Variants in CHCHD3 observed in about 807,000 individuals in gnomAD.
CHCHD3 encodes the protein MICOS complex subunit MIC19.
Under a neutral mutation model 38.2 loss-of-function variants are expected in CHCHD3, and 20 were observed. That is an observed-to-expected ratio of 0.52 (90% CI 0.37 to 0.76). CHCHD3 has a LOEUF of 0.76. Among genes scored for constraint, CHCHD3 ranks in the 30% least tolerant of loss-of-function variants. The pLI is 0.00. For synonymous variants in CHCHD3, 82 were observed against 100.0 expected, an observed-to-expected ratio of 0.82 and a Z score of 1.07; for missense variants, 245 against 279.2, an observed-to-expected ratio of 0.88 and a Z score of 0.87.
chr7:132,925,023 A>C (rs929446644), intron 4 of CHCHD3, among the ~76,000 whole-genome samples: 53 of 152,222 alleles, frequency 3.5e-4, no homozygotes, highest in African/African-American at 1.3e-3. Flanking sequence ...TGCTCAAATG[A>C]AAAATCATTT....
rs201363988 is a variant in CHCHD3 at position 132,860,312 on chromosome 7, G to A, written c.454-21843C>T. Among the ~76,000 whole-genome samples, 36 of 93,792 alleles carry A rather than the reference G, an allele frequency of 3.8e-4. No homozygotes were observed. The East Asian group carries it at 4.1e-3, about 11-fold the overall frequency. 61.5% of individuals were successfully genotyped at this position (93,792 alleles called of 152,430 possible). A position where few individuals can be genotyped will look rare whatever the true frequency, so the allele number is the denominator to read the frequency against. On this transcript the variant is annotated intron_variant, in intron 5 of 7. Transcript: ENST00000262570. Reference sequence around the variant, plus strand: ...TTATAGATAGATAGATAGAGAGAGAGAGAAAGAGAGAGAGAGAGAGAGAAC... The same window carrying A: ...TTATAGATAGATAGATAGAGAGAGAAAGAAAGAGAGAGAGAGAGAGAGAAC...
intron 4 of CHCHD3, among the ~76,000 whole-genome samples, 170 bp from the exon 5 acceptor site, chr7:132,885,915 AAAG>A (rs991967783): frequency 6.6e-5 from 10 of 152,306 alleles, no homozygotes; most frequent in East Asian, 1.9e-4. Context: ...ATTTAAATGT[AAAG>A]AAGAAGTCCG....
chr7:132,965,469 T>C (rs1383826574), intron 4 of CHCHD3, among the ~76,000 whole-genome samples: 1 of 148,734 alleles, frequency 6.7e-6, no homozygotes, highest in African/African-American at 2.5e-5. Context: ...AAAAAAAAAC[T>C]AAATCTAAAA....
At chr7:132,882,330 C>T (rs1471447701) in intron 5 of CHCHD3, among the ~76,000 whole-genome samples, 3 of 152,030 alleles carry the variant, frequency 2.0e-5, no homozygotes, top group South Asian at 2.1e-4. Flanking sequence ...GTGGAGTTAT[C>T]GAGTATTAAG....
chr7:132,915,912 C>T (rs1810092484), intron 4 of CHCHD3, among the ~76,000 whole-genome samples: 1 of 150,640 alleles, frequency 6.6e-6, no homozygotes, highest in Non-Finnish European at 1.5e-5. Flanking sequence ...TAATATTGTG[C>T]TTTGTGGTGA....
chr7:132,854,944 A>G (rs537985773), intron 5 of CHCHD3, among the ~76,000 whole-genome samples: 5 of 152,316 alleles, frequency 3.3e-5, no homozygotes, highest in Admixed American at 2.6e-4. Context: ...GGACTGTCCA[A>G]AAGCAAATAT....
chr7:133,034,038 A>T (rs899834587), intron 2 of CHCHD3, among the ~76,000 whole-genome samples: 6 of 152,226 alleles, frequency 3.9e-5, no homozygotes, highest in Non-Finnish European at 5.9e-5. Flanking sequence ...ATTATTTAGC[A>T]TTCACATTTT....
chr7:132,865,278 T>C (rs1562889550), intron 5 of CHCHD3, among the ~76,000 whole-genome samples: 1 of 152,176 alleles, frequency 6.6e-6, no homozygotes, highest in Non-Finnish European at 1.5e-5. Flanking sequence ...CTGTCCACAG[T>C]AGAGAAACCT....
intron 4 of CHCHD3, among the ~76,000 whole-genome samples, chr7:132,904,002 G>A (rs1809732526): frequency 6.6e-6 from 1 of 152,160 alleles, no homozygotes; most frequent in Admixed American, 6.5e-5. Context: ...GCTCATGCCT[G>A]TAATGCCAGC....
intron 3 of CHCHD3, among the ~76,000 whole-genome samples, chr7:133,016,082 T>C (rs1329110004): frequency 6.6e-6 from 1 of 152,118 alleles, no homozygotes; most frequent in African/African-American, 2.4e-5. Context: ...CAGGCCCCAC[T>C]TCCAGCACTG....
chr7:132,914,123 C>CGTGTGTGTGTGTGTGTGTGT, intron 4 of CHCHD3, among the ~76,000 whole-genome samples: 1 of 132,290 alleles, frequency 7.6e-6, no homozygotes, highest in East Asian at 2.3e-4. Flanking sequence ...CCATGCCTGG[C>CGTGTGTGTGTGTGTGTGTGT]GTGTGTGTGT....
At chr7:132,873,739 A>C (rs551342042) in intron 5 of CHCHD3, among the ~76,000 whole-genome samples, 1 of 150,732 alleles carries the variant, frequency 6.6e-6, no homozygotes, top group South Asian at 2.1e-4. Context: ...TAGGTTAAAG[A>C]TTGTGGATAA....
intron 6 of CHCHD3, among the ~76,000 whole-genome samples, chr7:132,817,176 T>A (rs1022909343): frequency 7.2e-5 from 11 of 152,028 alleles, no homozygotes; most frequent in African/African-American, 2.7e-4. Context: ...AAAAGATTCA[T>A]GTAATTTTCC....
At chr7:132,836,802 T>TC (rs1179359872) in intron 6 of CHCHD3, among the ~76,000 whole-genome samples, 1 of 152,168 alleles carries the variant, frequency 6.6e-6, no homozygotes, top group Non-Finnish European at 1.5e-5. Flanking sequence ...TTCTTATTTT[T>TC]CATGTCTCCA....
chr7:132,852,648 A>G (rs1808246067), intron 5 of CHCHD3, among the ~76,000 whole-genome samples: 1 of 152,210 alleles, frequency 6.6e-6, no homozygotes, highest in Non-Finnish European at 1.5e-5. Flanking sequence ...CTAATTATCA[A>G]TTAACTACAG....
intron 5 of CHCHD3, among the ~76,000 whole-genome samples, chr7:132,866,956 C>G (rs1414666873): frequency 1.3e-5 from 2 of 152,188 alleles, no homozygotes; most frequent in Admixed American, 6.5e-5. Context: ...TCCCTGCTCA[C>G]GTAGCATCTA....
intron 2 of CHCHD3, among the ~76,000 whole-genome samples, chr7:133,055,436 T>C (rs896111299): frequency 6.9e-6 from 1 of 145,256 alleles, no homozygotes; most frequent in Non-Finnish European, 1.5e-5. Context: ...TTATATTTGT[T>C]ATGTATTTAT....
intron 4 of CHCHD3, among the ~76,000 whole-genome samples, chr7:132,940,001 T>C (rs943060324): frequency 2.0e-5 from 3 of 152,240 alleles, no homozygotes; most frequent in Non-Finnish European, 4.4e-5. Context: ...AAAAAGCTAG[T>C]TATCTAAAAG....
chr7:133,058,923 G>A (rs142240791), intron 2 of CHCHD3, among the ~76,000 whole-genome samples: 1 of 152,194 alleles, frequency 6.6e-6, no homozygotes, highest in African/African-American at 2.4e-5. Context: ...TTGAGCACAC[G>A]GGGAGCTCCC....
Sources: gnomAD v4.1 joint callset for allele counts (sites outside exome capture counted in the v4.1 genomes callset) on GRCh38, gnomAD v4.1.1 for gene constraint, MANE v1.5 for transcripts, NCBI Gene and HGNC (gene_info 2026-07-23, HGNC 2026-07-21) for gene names.